CHI3L2: variants seen among roughly 807,000 people sequenced by gnomAD.
CHI3L2 encodes the protein chitinase-3-like protein 2.
Under a neutral mutation model 47.3 loss-of-function variants are expected in CHI3L2, and 47 were observed. The ratio of observed to expected loss-of-function variants is 0.99; its 90% confidence interval spans 0.79 to 1.27. The LOEUF (loss-of-function observed/expected upper bound fraction) is 1.27, where lower values mean the gene tolerates loss of function less well. Ranked by LOEUF, CHI3L2 falls within the 50% of genes most tolerant of loss-of-function variation. The pLI is 0.00. For synonymous variants in CHI3L2, 198 were observed against 169.9 expected (o/e 1.17, Z -1.28); for missense variants, 497 against 462.1 (o/e 1.08, Z -0.69).
At chr1:111,231,537 C>A in intron 4 of CHI3L2, 1 of 393,854 alleles carries the variant, frequency 2.5e-6, no homozygotes, top group Non-Finnish European at 4.5e-6. Context: ...GAAAGTGGGC[C>A]ATGAACAATA....
In CHI3L2 at chr1:111,239,073, C is replaced by G. The variant is rs1275085220; in HGVS notation, c.918+141C>G. 8.7e-6 allele frequency: 7 copies of G among 803,040 alleles called. No homozygotes were observed. The African/African-American group carries it at 1.1e-4, about 12-fold the overall frequency. 49.7% of individuals were successfully genotyped at this position (803,040 alleles called of 1,614,324 possible). A position where few individuals can be genotyped will look rare whatever the true frequency, so the allele number is the denominator to read the frequency against. On this transcript the variant is annotated intron_variant, in intron 8 of 10. Transcript: ENST00000369748. Reference sequence around the variant, plus strand: ...ACTACTGAACATGTGAGGGGATCTCCTAACTCTGGGTTGGGAGAGGGTCAG... The same window carrying G: ...ACTACTGAACATGTGAGGGGATCTCGTAACTCTGGGTTGGGAGAGGGTCAG...
chr1:111,242,291 T>A lies in CHI3L2; in HGVS notation c.1100T>A (p.Phe367Tyr). Residue 367 changes from phenylalanine (F) to tyrosine (Y), a missense_variant, in exon 10 of 11, where the codon TTC becomes TAC. Physicochemically the swap from Phe to Tyr is conservative, Grantham distance 22. Transcript: ENST00000369748. ...ATCTGGTCTATTGACATGGATGACT[T>A]CACTGGCAAATCCTGCAACCAGGGC... ...AMIWSIDMDD[F>Y]TGKSCNQGPY... 6.2e-7 allele frequency: 1 copy of A among 1,614,090 alleles called. No homozygotes were observed. Among genetic ancestry groups the A allele is most frequent in the Non-Finnish European group, 8.5e-7 (1 of 1,179,978 alleles).
chr1:111,237,543 T>TA (rs1302492731), intron 7 of CHI3L2, among the ~76,000 whole-genome samples: 1 of 152,134 alleles, frequency 6.6e-6, no homozygotes, highest in Admixed American at 6.5e-5. Flanking sequence ...CTGGTTGGGG[T>TA]TTTCTAGGCC....
At chr1:111,231,977 C>T (rs570702080) in intron 4 of CHI3L2, among the ~76,000 whole-genome samples, 19 of 152,184 alleles carry the variant, frequency 1.2e-4, no homozygotes, top group Non-Finnish European at 2.2e-4. Flanking sequence ...TGAATTTCTT[C>T]TGCTTTATTA....
In CHI3L2 at chr1:111,238,339, G is replaced by A. The variant is rs115494743; in HGVS notation, c.736-411G>A. On this transcript the variant is annotated intron_variant, in intron 7 of 10. Coordinates refer to ENST00000369748, the MANE Select transcript of CHI3L2 (RefSeq NM_004000.3). Reference sequence around the variant, plus strand: ...TTTACGTTGACATGTCCCATTGGGTGCAAGGTCATTGTGAGGCCTCATGGA... The same window carrying A: ...TTTACGTTGACATGTCCCATTGGGTACAAGGTCATTGTGAGGCCTCATGGA... 1.9e-3 allele frequency among the ~76,000 whole-genome samples: 295 copies of A among 152,320 alleles called. 1 individual carries two copies. Among genetic ancestry groups the A allele is most frequent in the African/African-American group, 5.8e-3 (243 of 41,568 alleles).
intron 4 of CHI3L2, 36 bp downstream of exon 4, chr1:111,231,330 A>G (rs757085455): frequency 1.4e-6 from 2 of 1,475,018 alleles, no homozygotes; most frequent in Non-Finnish European, 1.9e-6. Flanking sequence ...TCATTTCCCC[A>G]TGTAATTTTT....
intron 7 of CHI3L2, among the ~76,000 whole-genome samples, chr1:111,236,728 T>A (rs1659898839): frequency 1.3e-5 from 2 of 152,340 alleles, no homozygotes; most frequent in South Asian, 4.1e-4. Context: ...TCCTTGCCCA[T>A]TGATTTATCA....
At chr1:111,238,334 T>C (rs1483862494) in intron 7 of CHI3L2, among the ~76,000 whole-genome samples, 1 of 152,200 alleles carries the variant, frequency 6.6e-6, no homozygotes, top group Non-Finnish European at 1.5e-5. Context: ...CATGTCCCAT[T>C]GGGTGCAAGG....
At position 111,230,956 on chromosome 1, in the gene CHI3L2, G is replaced by A. The variant is rs200108580; in HGVS notation, c.272+13G>A. On this transcript the variant is annotated intron_variant, in intron 3 of 10. Coordinates refer to ENST00000369748, the MANE Select transcript of CHI3L2 (RefSeq NM_004000.3). ...GTCTCAAAACCAAGTGAGTAAGATG[G>A]GGGTGGAAGCATCCTGCATGGATTT... is the stretch of plus-strand genomic sequence containing the variant. The A allele has an allele frequency of 2.5e-6, 4 of 1,607,456 alleles. No homozygotes were observed. In the Admixed American group the frequency reaches 6.7e-5, roughly 27 times the overall value.
Position 111,241,592 on chromosome 1 carries a change from T to C in CHI3L2, c.1035+149T>C, listed in dbSNP as rs554169982. On this transcript the variant is annotated intron_variant, in intron 9 of 10. Transcript: ENST00000369748. ...AGCCTTTATAGCTCAAGTCTAGTAG[T>C]GACTCTATGTCACACCCGCGAGCAG... is the stretch of plus-strand genomic sequence containing the variant. The C allele has an allele frequency of 4.3e-5, 26 of 603,042 alleles. No homozygotes were observed. The African/African-American group carries it at 4.6e-4, about 11-fold the overall frequency. The allele number at this position is 603,042 out of a possible 1,614,324, so 37.4% of individuals were successfully genotyped here.
intron 8 of CHI3L2, 134 bp from the exon 9 acceptor site, chr1:111,241,193 C>A: frequency 1.4e-6 from 1 of 730,060 alleles, no homozygotes; most frequent in Non-Finnish European, 2.5e-6. Flanking sequence ...GGTCATTTCT[C>A]TCATTGTCTG....
At chr1:111,239,876 T>C (rs1472254111) in intron 8 of CHI3L2, among the ~76,000 whole-genome samples, 2 of 152,214 alleles carry the variant, frequency 1.3e-5, no homozygotes, top group Non-Finnish European at 2.9e-5. Context: ...TTATCCATCC[T>C]TGTCTCTAAA....
intron 4 of CHI3L2, among the ~76,000 whole-genome samples, chr1:111,233,630 G>C (rs961203169): frequency 6.6e-6 from 1 of 151,934 alleles, no homozygotes; most frequent in Non-Finnish European, 1.5e-5. Context: ...GCCTCTGCCC[G>C]GCCGCCCCTA....
At chr1:111,227,916 T>C (rs1207714800) in intron 1 of CHI3L2, 147 bp downstream of exon 1, 2 of 762,634 alleles carry the variant, frequency 2.6e-6, no homozygotes, top group African/African-American at 3.5e-5. Flanking sequence ...AATGCAACTG[T>C]TGTAGGGGAA....
chr1:111,230,668 G>C, intron 2 of CHI3L2, 74 bp from the exon 3 acceptor site: 1 of 1,255,284 alleles, frequency 8.0e-7, no homozygotes, highest in Non-Finnish European at 1.2e-6. Context: ...GCTGTCTTGG[G>C]GAGAAAATTG....
chr1:111,242,302 T>G lies in CHI3L2; in HGVS notation c.1111T>G (p.Ser371Ala). 2 of 1,614,068 alleles carry G rather than the reference T, an allele frequency of 1.2e-6. No homozygotes were observed. The highest frequency in any genetic ancestry group is 8.5e-7 in the Non-Finnish European group (1 of 1,179,974). Residue 371 changes from serine (S) to alanine (A), a missense_variant, in exon 10 of 11, where the codon TCC becomes GCC. Physicochemically the swap from Ser to Ala is moderately conservative, Grantham distance 99 (BLOSUM62 1). Coordinates refer to ENST00000369748, the MANE Select transcript of CHI3L2 (RefSeq NM_004000.3). ...TGACATGGATGACTTCACTGGCAAA[T>G]CCTGCAACCAGGGCCCTTACCCTCT... ...SIDMDDFTGKSCNQGPYPLVQ... is the reference protein window; with the variant it reads ...SIDMDDFTGKACNQGPYPLVQ...
chr1:111,238,518 T>A (rs112588207), intron 7 of CHI3L2, among the ~76,000 whole-genome samples: 3 of 152,366 alleles, frequency 2.0e-5, no homozygotes, highest in South Asian at 2.1e-4. Context: ...TCTTTTGTGA[T>A]CCACTGTCTA....
intron 4 of CHI3L2, chr1:111,231,562 A>T (rs1283639286): frequency 3.1e-6 from 1 of 327,524 alleles, no homozygotes; most frequent in African/African-American, 2.1e-5. Flanking sequence ...GAAAATTCTG[A>T]ATTATTTACA....
chr1:111,234,757 G>T (rs537346795), intron 4 of CHI3L2, 150 bp from the exon 5 acceptor site: 1 of 712,430 alleles, frequency 1.4e-6, no homozygotes, highest in Non-Finnish European at 2.3e-6. Context: ...TTTTTCTCTC[G>T]TCTGTTCCAA....
Sources: gnomAD v4.1 joint callset for allele counts (sites outside exome capture counted in the v4.1 genomes callset) on GRCh38, gnomAD v4.1.1 for gene constraint, MANE v1.5 for transcripts, NCBI Gene and HGNC (gene_info 2026-07-23, HGNC 2026-07-21) for gene names.